Variants in ABCC9 observed in about 807,000 individuals in gnomAD.
ABCC9 encodes ATP binding cassette subfamily C member 9, also known as ATP-binding cassette sub-family C member 9.
Under a neutral mutation model 188.3 loss-of-function variants are expected in ABCC9, and 95 were observed. That is an observed-to-expected ratio of 0.50 (90% CI 0.43 to 0.60). The LOEUF (loss-of-function observed/expected upper bound fraction) is 0.60, where lower values mean the gene tolerates loss of function less well. Ranked by LOEUF, ABCC9 falls within the 20% of genes least tolerant of loss-of-function variation. The pLI, the probability that ABCC9 is intolerant of heterozygous loss-of-function variation, is 0.00. For missense variants in ABCC9, 1,102 were observed against 1,876.3 expected (o/e 0.59, Z 7.62); for synonymous variants, 659 against 652.7 (o/e 1.01, Z -0.15).
intron 4 of ABCC9, 73 bp from the exon 5 acceptor site, chr12:21,926,136 C>T: frequency 6.3e-7 from 1 of 1,593,596 alleles, no homozygotes; most frequent in East Asian, 2.2e-5. Flanking sequence ...CAAATTTTTT[C>T]ATAAGAACTC....
chr12:21,817,038 G>A (rs1942692969), intron 33 of ABCC9, 149 bp downstream of exon 33: 1 of 792,646 alleles, frequency 1.3e-6, no homozygotes, highest in Admixed American at 2.3e-5. Flanking sequence ...ATCTTTTCCG[G>A]TGTACATAAT....
intron 12 of ABCC9, among the ~76,000 whole-genome samples, chr12:21,902,248 A>G (rs1184588194): frequency 3.3e-5 from 5 of 152,294 alleles, no homozygotes; most frequent in Admixed American, 2.0e-4. Context: ...TTTGAAACCA[A>G]CGAGAACAAA....
chr12:21,804,203 T>C (rs927307995), intron 39 of ABCC9, among the ~76,000 whole-genome samples: 4 of 152,150 alleles, frequency 2.6e-5, no homozygotes, highest in African/African-American at 9.7e-5. Context: ...TATAAGTCTA[T>C]AGAAAAGTAT....
At chr12:21,829,975 A>G (rs1424274883) in intron 30 of ABCC9, among the ~76,000 whole-genome samples, 2 of 152,140 alleles carry the variant, frequency 1.3e-5, no homozygotes, top group African/African-American at 4.8e-5. Context: ...GATGACGGCA[A>G]ATGCTCTACA....
intron 16 of ABCC9, among the ~76,000 whole-genome samples, chr12:21,882,474 A>G (rs1946672058): frequency 6.6e-6 from 1 of 152,220 alleles, no homozygotes; most frequent in South Asian, 2.1e-4. Context: ...TATTTGGTTG[A>G]TAAACATAGG....
chr12:21,849,176 T>C (rs184000940), intron 24 of ABCC9, among the ~76,000 whole-genome samples: 160 of 151,022 alleles, frequency 1.1e-3, no homozygotes, highest in African/African-American at 3.7e-3. Context: ...TATATGCCAA[T>C]ACAAAGAAAA....
At chr12:21,910,764 CT>C in intron 9 of ABCC9, 61 bp downstream of exon 9, 1 of 1,472,298 alleles carries the variant, frequency 6.8e-7, no homozygotes, top group Non-Finnish European at 9.4e-7. Flanking sequence ...TACCGCTATT[CT>C]TTTCACTGAA....
chr12:21,805,833 T>C (rs1941797578), intron 39 of ABCC9, among the ~76,000 whole-genome samples, 165 bp downstream of exon 39: 2 of 152,162 alleles, frequency 1.3e-5, no homozygotes, highest in Admixed American at 1.3e-4. Context: ...AAAAGAACAA[T>C]GCTTTCAAAA....
chr12:21,890,991 A>G (rs1490159991), intron 14 of ABCC9, among the ~76,000 whole-genome samples: 1 of 152,140 alleles, frequency 6.6e-6, no homozygotes, highest in Non-Finnish European at 1.5e-5. Context: ...TTTAAAAAAA[A>G]AAATCTTTAC....
rs767155863 is a variant in ABCC9, at chr12:21,916,925, T to G, written c.573+12A>C. The G allele has an allele frequency of 3.6e-5, 57 of 1,587,314 alleles. No individual in the cohort carries two copies. Among genetic ancestry groups the G allele is most frequent in the Admixed American group, 2.3e-4 (13 of 55,732 alleles). On this transcript the variant is annotated intron_variant, in intron 6 of 39. Transcript: ENST00000261200. ...AATCCAAGTAACTAAACAAAAGCCA[T>G]TAGCTACCTACCCTGACTCGAATGA...
At chr12:21,848,111 T>C in intron 25 of ABCC9, 39 bp downstream of exon 25, 1 of 1,572,512 alleles carries the variant, frequency 6.4e-7, no homozygotes, top group South Asian at 1.1e-5. Context: ...CATCCTGTTA[T>C]CCCATTAGAA....
chr12:21,830,793 C>G (rs1429598127), intron 30 of ABCC9, among the ~76,000 whole-genome samples: 1 of 152,156 alleles, frequency 6.6e-6, no homozygotes, highest in African/African-American at 2.4e-5. Flanking sequence ...ACCCAAATGC[C>G]ATGCTGCCAT....
At chr12:21,927,857 A>AAAATAGAT (rs1348570178) in intron 4 of ABCC9, among the ~76,000 whole-genome samples, 6 of 152,214 alleles carry the variant, frequency 3.9e-5, no homozygotes, top group African/African-American at 1.2e-4. Flanking sequence ...ATCAGAGGAA[A>AAAATAGAT]AAATAGATAA....
chr12:21,918,036 A>G (rs1256740980), intron 5 of ABCC9, among the ~76,000 whole-genome samples: 1 of 152,134 alleles, frequency 6.6e-6, no homozygotes, highest in Non-Finnish European at 1.5e-5. Context: ...TCATTAAAAA[A>G]AAAAACAGAC....
chr12:21,837,262 A>C (rs1944152065), intron 30 of ABCC9, among the ~76,000 whole-genome samples: 1 of 152,192 alleles, frequency 6.6e-6, no homozygotes, highest in South Asian at 2.1e-4. Context: ...TGAATGCTTC[A>C]TGATGCCGCC....
chr12:21,903,150 C>G (rs1947855102), intron 12 of ABCC9, among the ~76,000 whole-genome samples: 1 of 150,590 alleles, frequency 6.6e-6, no homozygotes, highest in East Asian at 1.9e-4. Flanking sequence ...TACGCAAATC[C>G]AGCATATAAA....
At chr12:21,802,513 T>A (rs1169309213) in intron 39 of ABCC9, among the ~76,000 whole-genome samples, 1 of 152,244 alleles carries the variant, frequency 6.6e-6, no homozygotes, top group African/African-American at 2.4e-5. Context: ...CATTTCAATA[T>A]GTAACCAATA....
At position 21,822,203 on chromosome 12, in the gene ABCC9, A is replaced by G. The variant is rs1943075537; in HGVS notation, c.3670-3952T>C. Among the ~76,000 whole-genome samples the G allele has an allele frequency of 5.3e-5, 8 of 152,234 alleles. No individual in the cohort carries two copies. The South Asian group carries it at 1.7e-3, about 32-fold the overall frequency. On this transcript the variant is annotated intron_variant, in intron 31 of 39. Coordinates refer to ENST00000261200, the MANE Select transcript of ABCC9 (RefSeq NM_020297.4). ...ATGTATAACAAAGTTATTTTATTAT[A>G]AAAATATTTTTAAACTTTCTTTTTA...
chr12:21,894,379 C>T (rs1239779529), intron 13 of ABCC9, among the ~76,000 whole-genome samples: 1 of 152,094 alleles, frequency 6.6e-6, no homozygotes, highest in Non-Finnish European at 1.5e-5. Flanking sequence ...TAGTGGCAAA[C>T]TTATGAGAAA....
Sources: allele counts gnomAD v4.1 joint callset (sites outside exome capture counted in the v4.1 genomes callset), GRCh38; gene constraint gnomAD v4.1.1; transcripts MANE v1.5; gene names NCBI Gene and HGNC (gene_info 2026-07-23, HGNC 2026-07-21).